KIF1C: variants seen among roughly 807,000 people sequenced by gnomAD.
KIF1C encodes the protein kinesin family member 1C, also known as kinesin-like protein KIF1C.
In KIF1C, 61 loss-of-function variants were observed where a neutral mutation model predicts 126.5. The ratio of observed to expected loss-of-function variants is 0.48; its 90% CI spans 0.39 to 0.60. KIF1C has a LOEUF of 0.60. KIF1C is among the 20% of genes least tolerant of loss of function. KIF1C has a pLI of 0.00. For synonymous variants in KIF1C, 640 were observed against 580.6 expected (o/e 1.10, Z -1.47); for missense variants, 1,315 against 1,489.2 (o/e 0.88, Z 1.93).
intron 18 of KIF1C, among the ~76,000 whole-genome samples, chr17:5,015,922 G>A (rs113399491): frequency 3.7e-4 from 56 of 151,948 alleles, no homozygotes; most frequent in African/African-American, 1.2e-3. Flanking sequence ...CCACCAGTTT[G>A]TTTTAGTTCT....
chr17:5,016,876 A>G (rs573064125), intron 18 of KIF1C, among the ~76,000 whole-genome samples: 10 of 150,980 alleles, frequency 6.6e-5, no homozygotes, highest in Non-Finnish European at 1.5e-4. Flanking sequence ...ACTGCACTCC[A>G]GCCTGGGTGA....
rs1302579797 is a variant in KIF1C at position 5,022,080 on chromosome 17, C to A, written c.2011-12C>A. 1.3e-6 allele frequency: 2 copies of A among 1,586,776 alleles called. No homozygotes were observed. The highest frequency in any genetic ancestry group is 1.1e-5 in the South Asian group (1 of 88,248). On this transcript the variant is annotated splice_polypyrimidine_tract_variant and intron_variant, in intron 21 of 22. Transcript: ENST00000320785. This position sits in a 1 kb window ranked among gnomAD's most constrained non-coding sequence, Gnocchi z 4.9. The stretch of plus-strand genomic sequence containing the variant: ...CTTAGCCCTCTCTTCCTCTTTCTTT[C>A]TCTGGCCCCAGTATGCAGACTCGGA...
chr17:5,020,670 G>A lies in KIF1C; in HGVS notation c.1929G>A (p.Met643Ile). ...EQQGIDIKLEMEKRLQDLENQ... is the reference protein window; with the variant it reads ...EQQGIDIKLEIEKRLQDLENQ... The stretch of plus-strand genomic sequence containing the variant: ...AAGGCATCGACATAAAGCTGGAAAT[G>A]GAGAAGAGGTGCGAGGGGGTTACCC... Residue 643 changes from methionine (M) to isoleucine (I), a missense_variant, in exon 20 of 23, where the codon ATG becomes ATA. Around this residue, in one of 2 missense-constraint regions of KIF1C, gnomAD observed 874 missense variants for 1,053.2 expected, o/e 0.83. Coordinates refer to ENST00000320785, the MANE Select transcript of KIF1C (RefSeq NM_006612.6). This position sits in a 1 kb window ranked among gnomAD's most constrained non-coding sequence, Gnocchi z 5.8. 6.2e-7 allele frequency: 1 copy of A among 1,613,790 alleles called. No individual in the cohort carries two copies. The highest frequency in any genetic ancestry group is 8.5e-7 in the Non-Finnish European group (1 of 1,179,736).
intron 18 of KIF1C, chr17:5,019,670 A>G: frequency 3.2e-6 from 1 of 310,776 alleles, no homozygotes; most frequent in Admixed American, 4.6e-5. Flanking sequence ...CAGAAATGAC[A>G]GGGCCTCTGA....
intron 21 of KIF1C, among the ~76,000 whole-genome samples, chr17:5,021,514 C>G (rs1028633800): frequency 9.2e-5 from 14 of 151,794 alleles, no homozygotes; most frequent in African/African-American, 3.2e-4. Context: ...GGATCTTGCT[C>G]TGTCACCCTG....
At chr17:5,002,962 G>T (rs1691120867) in intron 8 of KIF1C, 120 bp downstream of exon 8, 1 of 741,642 alleles carries the variant, frequency 1.3e-6, no homozygotes. Flanking sequence ...TGCCTCCTCA[G>T]GACTACCATG....
rs1228439756 is a variant in KIF1C at position 5,001,192 on chromosome 17, CTG to C, written c.184-28_184-27del. 11 of 1,608,920 alleles carry C rather than the reference CTG, an allele frequency of 6.8e-6. No homozygotes were observed. In the African/African-American group the frequency reaches 1.3e-4, roughly 20 times the overall value. The stretch of plus-strand genomic sequence containing the variant: ...AAGGATAAAGACATCCAGGGTTACT[CTG>C]TTTTTCTCTGCCCCCACTTTCTCCT... On this transcript the variant is annotated intron_variant, in intron 4 of 22. Coordinates refer to ENST00000320785, the MANE Select transcript of KIF1C (RefSeq NM_006612.6).
intron 8 of KIF1C, 33 bp downstream of exon 8, chr17:5,002,875 G>T: frequency 6.7e-7 from 1 of 1,499,324 alleles, no homozygotes. Context: ...TCCCCCACCG[G>T]ATGCAACCTC....
chr17:5,000,367 G>C lies in KIF1C; in HGVS notation c.106+15G>C, dbSNP rs769051933. ...CAACACCACCTGTGAGTGAGTCCCC[G>C]GGGCCTGGCTGGGCACAGGCAGGGA... is the stretch of plus-strand genomic sequence containing the variant. On this transcript the variant is annotated intron_variant, in intron 3 of 22. Coordinates refer to ENST00000320785, the MANE Select transcript of KIF1C (RefSeq NM_006612.6). The C allele has an allele frequency of 1.3e-6, 2 of 1,537,582 alleles. No homozygotes were observed. The highest frequency in any genetic ancestry group is 2.4e-5 in the South Asian group (2 of 84,380).
At chr17:4,999,345 A>G (rs1305069965) in intron 1 of KIF1C, among the ~76,000 whole-genome samples, 1 of 152,126 alleles carries the variant, frequency 6.6e-6, no homozygotes, top group Non-Finnish European at 1.5e-5. Flanking sequence ...TTGCATTTGC[A>G]GTTTCCTCTC....
At chr17:5,011,821 T>G (rs1331002090) in intron 16 of KIF1C, 1 of 152,296 alleles carries the variant, frequency 6.6e-6, no homozygotes, top group Non-Finnish European at 1.5e-5. Flanking sequence ...TACCCTGTGC[T>G]TTCTGCCTCC....
chr17:5,028,301 A>G lies in KIF1C; in HGVS notation c.*4150A>G, dbSNP rs955600667. On this transcript the variant is annotated 3_prime_UTR_variant, in exon 23 of 23. Transcript: ENST00000320785. ...GTTACTATTTTATTTTTAGCTTCTC[A>G]CACCATACCGACATATGTTGGTTAT... 1 of 152,042 alleles carries G rather than the reference A, an allele frequency of 6.6e-6. No homozygotes were observed. The highest frequency in any genetic ancestry group is 1.5e-5 in the Non-Finnish European group (1 of 68,020). The allele number at this position is 152,042 out of a possible 1,614,324, so 9.4% of individuals were successfully genotyped here. A position where few individuals can be genotyped will look rare whatever the true frequency, so the allele number is the denominator to read the frequency against.
Position 5,022,428 on chromosome 17 carries a change from T to C in KIF1C, c.2347T>C (p.Cys783Arg). ...ALAALKMREL[C>R]RTYGKPDGPG... is the part of the protein sequence containing the mutation. ...GGCCGCCCTCAAGATGCGGGAGCTG[T>C]GTCGCACCTATGGCAAGCCAGACGG... Residue 783 changes from cysteine (C) to arginine (R), a missense_variant, in exon 22 of 23, where the codon TGT (cysteine) becomes CGT (arginine). Around this residue, in one of 2 missense-constraint regions of KIF1C, gnomAD observed 874 missense variants for 1,053.2 expected, o/e 0.83. Transcript: ENST00000320785. This position sits in a 1 kb window ranked among gnomAD's most constrained non-coding sequence, Gnocchi z 4.9. 1.3e-6 allele frequency: 2 copies of C among 1,580,698 alleles called. No homozygotes were observed. The highest frequency in any genetic ancestry group is 1.7e-6 in the Non-Finnish European group (2 of 1,162,130).
chr17:5,006,919 G>A lies in KIF1C; in HGVS notation c.1170G>A (p.Leu390=). 2 of 1,610,566 alleles carry A rather than the reference G, an allele frequency of 1.2e-6. No individual in the cohort carries two copies. The highest frequency in any genetic ancestry group is 8.5e-7 in the Non-Finnish European group (1 of 1,179,106). ...QGLSASALEG[L]KTEEGSVRGA... ...TTTCCTCTTTCTCCCTCCCAGGCCTGAAGACGGAAGAAGGGAGTGTCAGAG... is the reference window on the plus strand; with the variant it reads ...TTTCCTCTTTCTCCCTCCCAGGCCTAAAGACGGAAGAAGGGAGTGTCAGAG... Residue 390 remains leucine, a synonymous_variant, in exon 14 of 23, where the codon CTG becomes CTA. Transcript: ENST00000320785.
rs903820838 is a variant in KIF1C, at chr17:5,028,059, G to A, written c.*3908G>A. 2 of 152,122 alleles carry A rather than the reference G, an allele frequency of 1.3e-5. No homozygotes were observed. Among genetic ancestry groups the A allele is most frequent in the African/African-American group, 2.4e-5 (1 of 41,414 alleles). 9.4% of individuals were successfully genotyped at this position (152,122 alleles called of 1,614,324 possible). A position where few individuals can be genotyped will look rare whatever the true frequency, so the allele number is the denominator to read the frequency against. On this transcript the variant is annotated 3_prime_UTR_variant, in exon 23 of 23. Transcript: ENST00000320785. ...ATCTTCCCAGGCATTTCATGAACTT[G>A]CGTCTAGTTTCTGTTCCCTCTCAAA...
chr17:5,018,959 C>A (rs1350184217), intron 18 of KIF1C, among the ~76,000 whole-genome samples: 1 of 151,994 alleles, frequency 6.6e-6, no homozygotes, highest in Non-Finnish European at 1.5e-5. Context: ...ATAGATGGCA[C>A]CCCCTCTAGG....
rs1975147228 is a variant in KIF1C, at chr17:5,023,848, C to T, written c.3009C>T (p.Leu1003=). 2.0e-6 allele frequency: 3 copies of T among 1,520,536 alleles called. No homozygotes were observed. The highest frequency in any genetic ancestry group is 2.6e-6 in the Non-Finnish European group (3 of 1,134,914). 94.2% of individuals were successfully genotyped at this position (1,520,536 alleles called of 1,614,324 possible). A position where few individuals can be genotyped will look rare whatever the true frequency, so the allele number is the denominator to read the frequency against. Reference sequence around the variant, plus strand: ...GGAGCGGGGAGGCTCCAACTCCGCTCCAACCCCCTGAGGAGGTCACTCCCC... The same window carrying T: ...GGAGCGGGGAGGCTCCAACTCCGCTTCAACCCCCTGAGGAGGTCACTCCCC... ...GMGSGEAPTP[L]QPPEEVTPHP... Residue 1003 remains leucine, a synonymous_variant, in exon 23 of 23, where the codon CTC becomes CTT. Coordinates refer to ENST00000320785, the MANE Select transcript of KIF1C (RefSeq NM_006612.6). The surrounding 1 kb of genome is among the most constrained non-coding windows in gnomAD (Gnocchi z 4.2).
chr17:5,005,423 C>T (rs1974704207), intron 13 of KIF1C, among the ~76,000 whole-genome samples: 1 of 152,194 alleles, frequency 6.6e-6, no homozygotes, highest in African/African-American at 2.4e-5. Flanking sequence ...CATGCTCAGC[C>T]TCACTGATGG....
chr17:5,016,976 C>G (rs1974984325), intron 18 of KIF1C, among the ~76,000 whole-genome samples: 1 of 151,516 alleles, frequency 6.6e-6, no homozygotes, highest in East Asian at 1.9e-4. Flanking sequence ...GGCAGTTGTT[C>G]TGGTCTGGTT....
Sources: gnomAD v4.1 joint callset for allele counts (sites outside exome capture counted in the v4.1 genomes callset) on GRCh38, gnomAD v4.1.1 for gene constraint, gnomAD v4.1.1 regional missense constraint, Gnocchi (gnomAD v3.1) non-coding constraint, MANE v1.5 for transcripts, NCBI Gene and HGNC (gene_info 2026-07-23, HGNC 2026-07-21) for gene names.